Variants in LRGUK observed in about 807,000 individuals in gnomAD.
LRGUK encodes leucine rich repeats and guanylate kinase domain containing.
A neutral mutation model predicts 76.0 loss-of-function variants in LRGUK; 65 were observed. The observed-to-expected ratio is 0.85, with a 90% CI of 0.70 to 1.05. The LOEUF (loss-of-function observed/expected upper bound fraction) is 1.05. LRGUK is among the 50% of genes least tolerant of loss of function. The pLI is 0.00. For missense variants in LRGUK, 758 were observed against 732.8 expected (o/e 1.03, Z -0.40); for synonymous variants, 268 against 265.6 (o/e 1.01, Z -0.09).
chr7:134,183,714 ACT>A lies in LRGUK; in HGVS notation c.1215-17_1215-16del. The A allele has an allele frequency of 6.2e-7, 1 of 1,613,092 alleles. No individual in the cohort carries two copies. Among genetic ancestry groups the A allele is most frequent in the East Asian group, 2.2e-5 (1 of 44,836 alleles). On this transcript the variant is annotated intron_variant, in intron 10 of 15. Coordinates refer to ENST00000645682, the Ensembl canonical transcript of LRGUK. The stretch of plus-strand genomic sequence containing the variant: ...CTCCCTGACTGCAATAGGAGAACTG[ACT>A]CTGGTCCTGTGTTGTAGCACTCTTC...
At chr7:134,129,079 C>CTCGT (rs562210325) in intron 1 of LRGUK, among the ~76,000 whole-genome samples, 1 of 149,698 alleles carries the variant, frequency 6.7e-6, no homozygotes, top group South Asian at 2.1e-4. Context: ...TTCTTTCTTT[C>CTCGT]TCCTTCCTTC....
chr7:134,166,348 T>C (rs1017696672), intron 7 of LRGUK, among the ~76,000 whole-genome samples: 2 of 152,144 alleles, frequency 1.3e-5, no homozygotes, highest in African/African-American at 4.8e-5. Context: ...GGACCTTAGT[T>C]ACCCTCTACT....
chr7:134,234,751 T>C (rs1167959056), intron 16 of LRGUK, among the ~76,000 whole-genome samples: 1 of 152,202 alleles, frequency 6.6e-6, no homozygotes, highest in East Asian at 1.9e-4. Context: ...TCCCTTTCTT[T>C]CTTTTCCCTT....
chr7:134,222,660 G>C (rs910546762), intron 16 of LRGUK, among the ~76,000 whole-genome samples: 2 of 151,902 alleles, frequency 1.3e-5, no homozygotes, highest in African/African-American at 4.8e-5. Context: ...CCAGGCTGGA[G>C]TGCAATGGTG....
chr7:134,252,772 G>A (rs988520775), intron 18 of LRGUK, among the ~76,000 whole-genome samples: 1 of 152,128 alleles, frequency 6.6e-6, no homozygotes, highest in African/African-American at 2.4e-5. Flanking sequence ...TGTGAGTGCT[G>A]CACATTAGCT....
At chr7:134,244,867 CA>C (rs1802254133) in intron 16 of LRGUK, among the ~76,000 whole-genome samples, 1 of 152,168 alleles carries the variant, frequency 6.6e-6, no homozygotes, top group East Asian at 1.9e-4. Context: ...GAATACTACG[CA>C]GCCATAAAAA....
At chr7:134,209,603 A>G in exon 16 of LRGUK, 1 of 399,050 alleles carries the variant, frequency 2.5e-6, no homozygotes, top group Non-Finnish European at 4.4e-6. Flanking sequence ...GCCCACACCC[A>G]AACTCCTATC....
chr7:134,265,219 T>A (rs543176187), downstream of LRGUK, among the ~76,000 whole-genome samples: 588 of 152,268 alleles, frequency 3.9e-3, 5 homozygotes, highest in African/African-American at 0.014. Context: ...TTAAAAAAAA[T>A]TATGAAATAT....
intron 15 of LRGUK, among the ~76,000 whole-genome samples, chr7:134,203,473 T>A (rs1800873258): frequency 6.6e-6 from 1 of 152,110 alleles, no homozygotes; most frequent in Non-Finnish European, 1.5e-5. Flanking sequence ...AAACCAATGC[T>A]GTTTTGTAAT....
chr7:134,257,856 A>C (rs1802622903), intron 18 of LRGUK, among the ~76,000 whole-genome samples: 1 of 151,958 alleles, frequency 6.6e-6, no homozygotes, highest in Non-Finnish European at 1.5e-5. Flanking sequence ...ACCTATGCCC[A>C]GTGTGAGGTC....
At chr7:134,199,979 C>CTT (rs1491529392) in intron 14 of LRGUK, among the ~76,000 whole-genome samples, 2 of 54,866 alleles carry the variant, frequency 3.6e-5, no homozygotes, top group African/African-American at 1.4e-4. Flanking sequence ...ATTCTAGAAA[C>CTT]TTTTATATAT....
chr7:134,194,287 G>GT (rs1030573862), intron 12 of LRGUK, among the ~76,000 whole-genome samples: 28 of 151,802 alleles, frequency 1.8e-4, no homozygotes, highest in African/African-American at 6.5e-4. Context: ...TCTAGAAAAT[G>GT]TTTTTTTTAA....
intron 1 of LRGUK, among the ~76,000 whole-genome samples, chr7:134,135,104 G>GA (rs1367487203): frequency 6.6e-6 from 1 of 152,036 alleles, no homozygotes; most frequent in Non-Finnish European, 1.5e-5. Context: ...GACATTGCAG[G>GA]AAAAAACAGA....
chr7:134,185,793 T>C (rs1799959488), intron 11 of LRGUK, among the ~76,000 whole-genome samples: 2 of 152,226 alleles, frequency 1.3e-5, no homozygotes, highest in Non-Finnish European at 2.9e-5. Context: ...TAAACACTAT[T>C]TCAAACAGGT....
chr7:134,248,801 T>G, intron 17 of LRGUK, 150 bp from the exon 18 acceptor site: 1 of 498,046 alleles, frequency 2.0e-6, no homozygotes, highest in East Asian at 3.5e-5. Context: ...AGCTCTGATG[T>G]GCATGTTTCT....
chr7:134,218,683 A>G (rs1224482514), intron 15 of LRGUK, among the ~76,000 whole-genome samples: 3 of 152,176 alleles, frequency 2.0e-5, no homozygotes, highest in Admixed American at 6.5e-5. Context: ...TGATGATACA[A>G]TGTGAAATAT....
At chr7:134,267,988 A>T (rs1802889636), downstream of LRGUK, among the ~76,000 whole-genome samples, 1 of 152,178 alleles carries the variant, frequency 6.6e-6, no homozygotes. Context: ...TGTAGTATGC[A>T]TCTAAAACAG....
chr7:134,233,992 C>T (rs1404051127), intron 16 of LRGUK, among the ~76,000 whole-genome samples: 1 of 152,094 alleles, frequency 6.6e-6, no homozygotes, highest in Non-Finnish European at 1.5e-5. Context: ...ATTTTTTTAG[C>T]TCATCAGCTA....
intron 18 of LRGUK, among the ~76,000 whole-genome samples, chr7:134,255,627 A>T (rs1331882846): frequency 6.6e-6 from 1 of 152,148 alleles, no homozygotes; most frequent in African/African-American, 2.4e-5. Flanking sequence ...AAGCTCCCCA[A>T]GATATGCCAG....
Sources: allele counts gnomAD v4.1 joint callset (sites outside exome capture counted in the v4.1 genomes callset), GRCh38; gene constraint gnomAD v4.1.1; transcripts MANE v1.5; gene names NCBI Gene and HGNC (gene_info 2026-07-23, HGNC 2026-07-21).